Variants in EYA1 observed in about 807,000 individuals in gnomAD.
The protein encoded by EYA1 is EYA transcriptional coactivator and phosphatase 1.
Under a neutral mutation model 82.0 loss-of-function variants are expected in EYA1, and 16 were observed. The ratio of observed to expected loss-of-function variants is 0.20; its 90% CI spans 0.13 to 0.30. The LOEUF (loss-of-function observed/expected upper bound fraction) is 0.30, where lower values mean the gene tolerates loss of function less well. EYA1 is among the 10% of genes least tolerant of loss of function. EYA1 has a pLI of 1.00. For missense variants in EYA1, 633 were observed against 730.7 expected (o/e 0.87, Z 1.54); for synonymous variants, 261 against 264.4 (o/e 0.99, Z 0.12).
At chr8:71,518,483 T>C (rs184155641) in intron 2 of EYA1, among the ~76,000 whole-genome samples, 3 of 152,294 alleles carry the variant, frequency 2.0e-5, no homozygotes, top group Admixed American at 2.0e-4. Flanking sequence ...CTGTCATGTC[T>C]AGGAATAGTG....
intron 9 of EYA1, among the ~76,000 whole-genome samples, chr8:71,294,224 C>G (rs1819329986): frequency 6.6e-6 from 1 of 152,128 alleles, no homozygotes; most frequent in Non-Finnish European, 1.5e-5. Flanking sequence ...CTTTGGGAGG[C>G]CGAGGCGGGT....
At chr8:71,415,214 C>T (rs1161577283) in intron 2 of EYA1, among the ~76,000 whole-genome samples, 1 of 152,184 alleles carries the variant, frequency 6.6e-6, no homozygotes, top group Non-Finnish European at 1.5e-5. Context: ...TTGACTATTT[C>T]CAGAGAACTT....
intron 11 of EYA1, 105 bp downstream of exon 11, chr8:71,269,635 A>G: frequency 1.3e-6 from 1 of 775,108 alleles, no homozygotes. Flanking sequence ...TTCTCCATTT[A>G]TATTTTAAAT....
At chr8:71,344,810 C>G (rs909607947) in intron 3 of EYA1, among the ~76,000 whole-genome samples, 2 of 152,222 alleles carry the variant, frequency 1.3e-5, no homozygotes, top group African/African-American at 4.8e-5. Context: ...TGAGCTGGCT[C>G]AGACTCACAA....
intron 3 of EYA1, among the ~76,000 whole-genome samples, chr8:71,340,825 A>G (rs1026454212): frequency 6.6e-6 from 1 of 152,156 alleles, no homozygotes; most frequent in African/African-American, 2.4e-5. Context: ...GACTTAGCCC[A>G]ACGTTTGGCT....
intron 2 of EYA1, among the ~76,000 whole-genome samples, chr8:71,383,956 A>C (rs960018544): frequency 3.3e-5 from 5 of 152,142 alleles, no homozygotes; most frequent in Non-Finnish European, 5.9e-5. Context: ...TAAAGAACAA[A>C]AATTTACAGT....
At chr8:71,282,340 T>C (rs1817902493) in intron 9 of EYA1, among the ~76,000 whole-genome samples, 1 of 152,228 alleles carries the variant, frequency 6.6e-6, no homozygotes, top group Non-Finnish European at 1.5e-5. Flanking sequence ...TCTACTGCCT[T>C]ACAGTGTACA....
chr8:71,299,363 C>T, intron 8 of EYA1, 130 bp from the exon 9 acceptor site: 2 of 876,708 alleles, frequency 2.3e-6, no homozygotes, highest in Admixed American at 1.9e-5. Flanking sequence ...CATACAAGTA[C>T]ACATTAACTA....
At chr8:71,201,939 A>G (rs1305484666) in intron 17 of EYA1, among the ~76,000 whole-genome samples, 2 of 152,190 alleles carry the variant, frequency 1.3e-5, no homozygotes, top group African/African-American at 4.8e-5. Flanking sequence ...GTTAGATAGT[A>G]TTTCTATTGA....
intron 2 of EYA1, among the ~76,000 whole-genome samples, chr8:71,499,458 C>A (rs981142464): frequency 1.3e-5 from 2 of 152,130 alleles, no homozygotes; most frequent in African/African-American, 4.8e-5. Flanking sequence ...AGAAAGAGTT[C>A]AGTTACTAGA....
In EYA1 at chr8:71,318,415, C is replaced by T. The variant is rs191802572; in HGVS notation, c.419-726G>A. ...TGAAATATTTGACTATAATTGTTTT[C>T]GATGTAGTCTAAAGTACCTTTGTTT... On this transcript the variant is annotated intron_variant, in intron 6 of 17. Coordinates refer to ENST00000340726, the MANE Select transcript of EYA1 (RefSeq NM_000503.6). Among the ~76,000 whole-genome samples, 24 of 152,188 alleles carry T rather than the reference C, an allele frequency of 1.6e-4. No individual in the cohort carries two copies. In the East Asian group the frequency reaches 4.4e-3, roughly 28 times the overall value.
At position 71,214,914 on chromosome 8, in the gene EYA1, CAAG is replaced by C. The variant is rs1480226939; in HGVS notation, c.1597+470_1597+472del. Among the ~76,000 whole-genome samples, 9 of 152,204 alleles carry C rather than the reference CAAG, an allele frequency of 5.9e-5. No homozygotes were observed. The East Asian group carries it at 1.3e-3, about 23-fold the overall frequency. Reference sequence around the variant, plus strand: ...TCCTCCCAACTATGTTTCTTTCATGCAAGAAGCTTTTAAATCTCCACAACAAAA... The same window carrying C: ...TCCTCCCAACTATGTTTCTTTCATGCAAGCTTTTAAATCTCCACAACAAAA... On this transcript the variant is annotated intron_variant, in intron 16 of 17. Coordinates refer to ENST00000340726, the MANE Select transcript of EYA1 (RefSeq NM_000503.6).
intron 2 of EYA1, among the ~76,000 whole-genome samples, chr8:71,504,164 AC>A (rs1812016905): frequency 1.3e-5 from 2 of 152,212 alleles, no homozygotes; most frequent in Admixed American, 1.3e-4. Context: ...ATTTTTATTT[AC>A]TATAATTACA....
At chr8:71,515,390 T>C (rs1037986017) in intron 2 of EYA1, among the ~76,000 whole-genome samples, 1 of 152,084 alleles carries the variant, frequency 6.6e-6, no homozygotes, top group Non-Finnish European at 1.5e-5. Flanking sequence ...ACTAATCTAA[T>C]TTATTATTGT....
intron 2 of EYA1, among the ~76,000 whole-genome samples, chr8:71,489,389 A>C (rs1810821728): frequency 6.6e-6 from 1 of 152,054 alleles, no homozygotes. Context: ...ACTATATGGC[A>C]ATTCCTACAA....
At chr8:71,530,009 T>A (rs1389868047) in intron 2 of EYA1, 1 of 152,214 alleles carries the variant, frequency 6.6e-6, no homozygotes, top group Non-Finnish European at 1.5e-5. Flanking sequence ...GTTTTTGTTA[T>A]GGGTTGAATT....
chr8:71,391,998 C>A (rs2129111594), intron 2 of EYA1, among the ~76,000 whole-genome samples: 1 of 152,270 alleles, frequency 6.6e-6, no homozygotes, highest in Non-Finnish European at 1.5e-5. Flanking sequence ...CTCAGAACTG[C>A]AGCTGCAGCT....
intron 11 of EYA1, among the ~76,000 whole-genome samples, chr8:71,266,482 T>C (rs888884362): frequency 4.6e-5 from 7 of 152,160 alleles, no homozygotes; most frequent in African/African-American, 1.4e-4. Context: ...TTAAGTAGAC[T>C]TCCTTGCATG....
chr8:71,378,080 A>C (rs1035681077), intron 2 of EYA1, among the ~76,000 whole-genome samples: 17 of 152,226 alleles, frequency 1.1e-4, no homozygotes, highest in Admixed American at 3.3e-4. Context: ...TTCAATAACC[A>C]CAGAGATGCA....
Sources: allele counts gnomAD v4.1 joint callset (sites outside exome capture counted in the v4.1 genomes callset), GRCh38; gene constraint gnomAD v4.1.1; transcripts MANE v1.5; gene names NCBI Gene and HGNC (gene_info 2026-07-23, HGNC 2026-07-21).